Variants in WDR41 observed in about 807,000 individuals in gnomAD.
The protein encoded by WDR41 is WD repeat-containing protein 41.
A neutral mutation model predicts 69.3 loss-of-function variants in WDR41; 63 were observed. The observed-to-expected ratio is 0.91, with a 90% confidence interval of 0.74 to 1.12. WDR41 has a LOEUF of 1.12. Ranked by LOEUF, WDR41 falls within the 50% of genes most tolerant of loss-of-function variation. The probability of loss-of-function intolerance (pLI) is 0.00; values close to 1 mark genes in which losing one functional copy is unlikely to be tolerated. For synonymous variants in WDR41, 185 were observed against 192.1 expected (o/e 0.96, Z 0.31); for missense variants, 543 against 534.5 (o/e 1.02, Z -0.16).
intron 1 of WDR41, among the ~76,000 whole-genome samples, chr5:77,490,806 G>A (rs1246758890): frequency 6.6e-6 from 1 of 152,138 alleles, no homozygotes; most frequent in Non-Finnish European, 1.5e-5. Flanking sequence ...ACCATATATG[G>A]CTATTCAATA....
chr5:77,457,517 T>C (rs1429461788), intron 5 of WDR41, among the ~76,000 whole-genome samples: 1 of 152,132 alleles, frequency 6.6e-6, no homozygotes, highest in African/African-American at 2.4e-5. Flanking sequence ...TATTTTCTGA[T>C]CATTTCCTTT....
intron 1 of WDR41, among the ~76,000 whole-genome samples, chr5:77,596,976 G>T (rs747929325): frequency 2.6e-5 from 4 of 151,922 alleles, no homozygotes; most frequent in Non-Finnish European, 5.9e-5. Context: ...AGAAAATTTA[G>T]CCAGGCATAG....
intron 12 of WDR41, among the ~76,000 whole-genome samples, chr5:77,434,140 G>A (rs1226759736): frequency 1.3e-5 from 2 of 152,062 alleles, no homozygotes; most frequent in Admixed American, 6.5e-5. Context: ...GGCCAGCCTG[G>A]CCAAACATGG....
intron 2 of WDR41, among the ~76,000 whole-genome samples, chr5:77,482,859 GAAAA>G (rs200988288): frequency 1.9e-5 from 2 of 107,072 alleles, no homozygotes; most frequent in African/African-American, 7.0e-5. Context: ...ACATCTACCT[GAAAA>G]AAAAAAAAAA....
At chr5:77,547,730 G>C (rs1743224674) in intron 1 of WDR41, among the ~76,000 whole-genome samples, 1 of 152,064 alleles carries the variant, frequency 6.6e-6, no homozygotes, top group South Asian at 2.1e-4. Flanking sequence ...CAAATTCAGT[G>C]CAATTCCCAT....
rs565861951 is a variant in WDR41 at position 77,503,276 on chromosome 5, G to A, written c.43-13704C>T. Among the ~76,000 whole-genome samples, 496 of 151,380 alleles carry A rather than the reference G, an allele frequency of 3.3e-3. 4 individuals are homozygous for A. Among genetic ancestry groups the A allele is most frequent in the African/African-American group, 0.011 (465 of 41,140 alleles). ...AACCAACAAAGATCAAGAGAGACAA[G>A]GAAGGCCATTACATAATGGTAAAGG... On this transcript the variant is annotated intron_variant, in intron 1 of 5. Coordinates refer to the WDR41 transcript ENST00000509971.
chr5:77,536,095 T>C (rs999274413), intron 1 of WDR41, among the ~76,000 whole-genome samples: 1 of 152,320 alleles, frequency 6.6e-6, no homozygotes, highest in South Asian at 2.1e-4. Context: ...TACCCTGTTT[T>C]CTTGGCTCAA....
At chr5:77,550,583 CAG>C (rs939071808) in intron 1 of WDR41, among the ~76,000 whole-genome samples, 2 of 152,150 alleles carry the variant, frequency 1.3e-5, no homozygotes, top group African/African-American at 4.8e-5. Context: ...CCAAAAATAA[CAG>C]ATGCTGGCAA....
At position 77,501,065 on chromosome 5, in the gene WDR41, G is replaced by A. The variant is rs372687617; in HGVS notation, c.43-11493C>T. Among the ~76,000 whole-genome samples the A allele has an allele frequency of 7.2e-5, 11 of 152,352 alleles. No homozygotes were observed. In the East Asian group the frequency reaches 1.5e-3, roughly 21 times the overall value. ...CCCATGTAGGGCAAGCCTAAGCAGG[G>A]CGAGGCGTTGCCTCACCCAGGAAGT... On this transcript the variant is annotated intron_variant, in intron 1 of 5. Transcript: ENST00000509971.
At chr5:77,552,959 G>A (rs896048219) in intron 1 of WDR41, among the ~76,000 whole-genome samples, 1 of 152,196 alleles carries the variant, frequency 6.6e-6, no homozygotes, top group African/African-American at 2.4e-5. Context: ...ATGGAAGAAA[G>A]TTGTCAGGAT....
chr5:77,570,220 G>T (rs1344942187), intron 1 of WDR41, among the ~76,000 whole-genome samples: 1 of 151,796 alleles, frequency 6.6e-6, no homozygotes, highest in East Asian at 1.9e-4. Context: ...TTTCCCTCAG[G>T]TTCTCCATCA....
chr5:77,463,184 T>C lies in WDR41; in HGVS notation c.259A>G (p.Ile87Val), dbSNP rs772173782. Residue 87 changes from isoleucine (I) to valine (V), a missense_variant, in exon 4 of 13, where the codon ATA becomes GTA. By Grantham distance (29) the Ile-to-Val change is conservative (BLOSUM62 3). Transcript: ENST00000296679. The part of the protein sequence containing the change: ...LLELNGHTQK[I>V]TAIITFPSLE... ...GAAGGAAATGTAATAATAGCTGTTA[T>C]CTTTTGAGTGTGTCCATTCAGTTCT... The C allele has an allele frequency of 6.2e-6, 10 of 1,612,938 alleles. No homozygotes were observed. The Admixed American group carries it at 8.4e-5, about 13-fold the overall frequency.
intron 1 of WDR41, among the ~76,000 whole-genome samples, chr5:77,555,092 A>G (rs1743366870): frequency 6.6e-6 from 1 of 152,066 alleles, no homozygotes; most frequent in Admixed American, 6.6e-5. Flanking sequence ...GTTTCAAAAA[A>G]AAAAAAAAAT....
At chr5:77,585,267 A>G (rs1744017971) in intron 1 of WDR41, among the ~76,000 whole-genome samples, 1 of 152,216 alleles carries the variant, frequency 6.6e-6, no homozygotes, top group African/African-American at 2.4e-5. Context: ...TCAAAACTAC[A>G]ATGCGATATC....
At chr5:77,450,339 C>T (rs1250519142) in intron 7 of WDR41, among the ~76,000 whole-genome samples, 1 of 152,182 alleles carries the variant, frequency 6.6e-6, no homozygotes, top group Non-Finnish European at 1.5e-5. Flanking sequence ...TTTTAAAAAG[C>T]TTCTGATTCC....
At chr5:77,452,884 T>C (rs1283832357) in intron 6 of WDR41, 1 of 152,140 alleles carries the variant, frequency 6.6e-6, no homozygotes, top group African/African-American at 2.4e-5. Flanking sequence ...AATATAACTT[T>C]ACCAAAATAA....
rs1799021180 is a variant in WDR41, at chr5:77,438,239, C to T, written c.1004+1G>A. The T allele has an allele frequency of 6.2e-7, 1 of 1,613,852 alleles. No homozygotes were observed. Among genetic ancestry groups the T allele is most frequent in the East Asian group, 2.2e-5 (1 of 44,870 alleles). On this transcript the variant is annotated splice_donor_variant, in intron 10 of 12. Transcript: ENST00000296679. LOFTEE classifies it high-confidence loss of function. ...ATTGCAGAACAGATGGGAACTTGTA[C>T]CTGTTTGGAAGTCTGGCAACGTGCA...
chr5:77,536,287 C>A (rs1448617781), intron 1 of WDR41, among the ~76,000 whole-genome samples: 1 of 151,890 alleles, frequency 6.6e-6, no homozygotes, highest in Non-Finnish European at 1.5e-5. Flanking sequence ...TGCCGGGGAC[C>A]TATATCCCTG....
chr5:77,548,809 T>C (rs1263497595), intron 1 of WDR41, among the ~76,000 whole-genome samples: 1 of 152,126 alleles, frequency 6.6e-6, no homozygotes, highest in Non-Finnish European at 1.5e-5. Flanking sequence ...AGTCATTATA[T>C]GGAAAAGATA....
Sources: gnomAD v4.1 joint callset for allele counts (sites outside exome capture counted in the v4.1 genomes callset) on GRCh38, gnomAD v4.1.1 for gene constraint, MANE v1.5 for transcripts, NCBI Gene and HGNC (gene_info 2026-07-23, HGNC 2026-07-21) for gene names.